RNLS: variants seen among roughly 807,000 people sequenced by gnomAD.
The protein encoded by RNLS is renalase.
RNLS carries 39 observed loss-of-function variants against 39.8 expected under a neutral mutation model. The ratio of observed to expected loss-of-function variants is 0.98; its 90% CI spans 0.76 to 1.28. The LOEUF (loss-of-function observed/expected upper bound fraction) is 1.28, where lower values mean the gene tolerates loss of function less well. Among genes scored for constraint, RNLS ranks in the 50% most tolerant of loss-of-function variants. The pLI, the probability that RNLS is intolerant of heterozygous loss-of-function variation, is 0.00. For missense variants in RNLS, 410 were observed against 413.3 expected (o/e 0.99, Z 0.07); for synonymous variants, 147 against 150.7 (o/e 0.98, Z 0.18).
intron 4 of RNLS, among the ~76,000 whole-genome samples, chr10:88,548,705 T>A (rs1381213227): frequency 4.7e-5 from 7 of 148,070 alleles, no homozygotes; most frequent in Non-Finnish European, 1.0e-4. Flanking sequence ...ATATATTATA[T>A]TTAATACATA....
At chr10:88,355,026 T>C (rs536619757) in intron 5 of RNLS, among the ~76,000 whole-genome samples, 1 of 152,374 alleles carries the variant, frequency 6.6e-6, no homozygotes, top group African/African-American at 2.4e-5. Context: ...AGCTTGTGCA[T>C]TCGTCACGTA....
chr10:88,381,705 T>TATCA lies in RNLS; in HGVS notation c.527-18984_527-18981dup, dbSNP rs1564751051. On this transcript the variant is annotated intron_variant, in intron 4 of 6. Coordinates refer to ENST00000331772, the MANE Select transcript of RNLS (RefSeq NM_001031709.3). ...AGACAGTTTTAAAGTACAAATTATATATCACTTAAAAGTTTCTAAATTTTA... is the reference window on the plus strand; with the variant it reads ...AGACAGTTTTAAAGTACAAATTATATATCAATCACTTAAAAGTTTCTAAATTTTA... Among the ~76,000 whole-genome samples, 3 of 152,090 alleles carry TATCA rather than the reference T, an allele frequency of 2.0e-5. No homozygotes were observed. In the East Asian group the frequency reaches 5.8e-4, roughly 29 times the overall value.
chr10:88,306,091 T>C (rs1282620045), intron 6 of RNLS, among the ~76,000 whole-genome samples: 1 of 151,952 alleles, frequency 6.6e-6, no homozygotes, highest in African/African-American at 2.4e-5. Context: ...GGGTAAATAA[T>C]GAAATAAAGA....
chr10:88,377,576 T>C (rs942253787), intron 4 of RNLS, among the ~76,000 whole-genome samples: 2 of 152,040 alleles, frequency 1.3e-5, no homozygotes, highest in African/African-American at 4.8e-5. Flanking sequence ...TAACACATGT[T>C]ACGTATTTGT....
At chr10:88,283,223 A>T (rs1320014039), downstream of RNLS, among the ~76,000 whole-genome samples, 3 of 152,200 alleles carry the variant, frequency 2.0e-5, no homozygotes, top group Non-Finnish European at 4.4e-5. Context: ...GAAAATCTAA[A>T]TGTAAAATAA....
intron 5 of RNLS, among the ~76,000 whole-genome samples, chr10:88,318,201 T>C (rs1845906925): frequency 6.6e-6 from 1 of 152,140 alleles, no homozygotes; most frequent in Admixed American, 6.5e-5. Flanking sequence ...CACAACCCAT[T>C]CTGTCTCTGG....
chr10:88,248,218 C>T, the RNLS span, among the ~76,000 whole-genome samples: 9 of 152,296 alleles, frequency 5.9e-5, no homozygotes, highest in Admixed American at 2.0e-4. Flanking sequence ...ATCACACTTA[C>T]GTATCTAGAG....
intron 4 of RNLS, among the ~76,000 whole-genome samples, chr10:88,455,453 CT>C (rs757502819): frequency 1.6e-4 from 24 of 152,276 alleles, no homozygotes; most frequent in Non-Finnish European, 2.5e-4. Context: ...GTTGCCCAGG[CT>C]GGAGTGCAGT....
At chr10:88,427,306 T>G (rs998632961) in intron 4 of RNLS, among the ~76,000 whole-genome samples, 2 of 151,988 alleles carry the variant, frequency 1.3e-5, no homozygotes, top group African/African-American at 4.8e-5. Flanking sequence ...GGTATGGCAT[T>G]GAGGGGTAAG....
intron 4 of RNLS, among the ~76,000 whole-genome samples, chr10:88,455,131 G>T (rs1842558053): frequency 6.6e-6 from 1 of 152,164 alleles, no homozygotes; most frequent in Admixed American, 6.5e-5. Context: ...AGAGTAGTAT[G>T]TACTAAGTAC....
chr10:88,581,085 G>A (rs900258904), intron 3 of RNLS, among the ~76,000 whole-genome samples: 2 of 151,822 alleles, frequency 1.3e-5, no homozygotes, highest in Admixed American at 6.6e-5. Context: ...ATATTTACCA[G>A]AAAGCTAATA....
intron 4 of RNLS, among the ~76,000 whole-genome samples, chr10:88,454,365 C>A (rs17112295): frequency 0.03 from 4,560 of 152,216 alleles, 88 homozygotes; most frequent in Middle Eastern, 0.065. Flanking sequence ...GTAGATCCAC[C>A]TTTTCCCTTA....
At chr10:88,260,613 G>C in the RNLS span, among the ~76,000 whole-genome samples, 1 of 152,192 alleles carries the variant, frequency 6.6e-6, no homozygotes, top group Non-Finnish European at 1.5e-5. Flanking sequence ...TCTGTATTAA[G>C]CCTTCATGGT....
Position 88,284,212 on chromosome 10 carries a change from G to T in RNLS, c.*1142C>A. 1 of 985,242 alleles carries T rather than the reference G, an allele frequency of 1.0e-6. No homozygotes were observed. Among genetic ancestry groups the T allele is most frequent in the Non-Finnish European group, 1.2e-6 (1 of 829,788 alleles). 61.0% of individuals were successfully genotyped at this position (985,242 alleles called of 1,614,324 possible). A position where few individuals can be genotyped will look rare whatever the true frequency, so the allele number is the denominator to read the frequency against. On this transcript the variant is annotated 3_prime_UTR_variant, in exon 7 of 7. Coordinates refer to ENST00000331772, the MANE Select transcript of RNLS (RefSeq NM_001031709.3). ...ATAGAAGCAAGTTCTGCCTGTGCCT[G>T]TGTATGTGTATGTATGACAGTGGAC...
intron 2 of RNLS, among the ~76,000 whole-genome samples, 165 bp downstream of exon 2, chr10:88,582,037 T>G (rs1197140167): frequency 1.3e-5 from 2 of 152,254 alleles, no homozygotes; most frequent in Non-Finnish European, 2.9e-5. Flanking sequence ...GTTCAGAAGA[T>G]TGACTCCCAT....
At chr10:88,538,252 T>C (rs1440907304) in intron 4 of RNLS, among the ~76,000 whole-genome samples, 1 of 152,148 alleles carries the variant, frequency 6.6e-6, no homozygotes, top group African/African-American at 2.4e-5. Context: ...TAAGGGAAGA[T>C]TGACTCTTAG....
At chr10:88,500,189 A>T (rs1042778401) in intron 4 of RNLS, among the ~76,000 whole-genome samples, 5 of 152,158 alleles carry the variant, frequency 3.3e-5, no homozygotes, top group Non-Finnish European at 7.3e-5. Context: ...TTCTCAAATA[A>T]TTTAGTTATA....
chr10:88,504,725 C>A (rs1050894853), intron 4 of RNLS, among the ~76,000 whole-genome samples: 1 of 151,890 alleles, frequency 6.6e-6, no homozygotes, highest in African/African-American at 2.4e-5. Flanking sequence ...ATTCGAAGAA[C>A]AATAATTGTA....
At chr10:88,531,549 C>T (rs775586467) in intron 4 of RNLS, among the ~76,000 whole-genome samples, 1 of 152,002 alleles carries the variant, frequency 6.6e-6, no homozygotes, top group Non-Finnish European at 1.5e-5. Flanking sequence ...TGCAGGCACT[C>T]CCCACTCAAA....
Sources: gnomAD v4.1 joint callset for allele counts (sites outside exome capture counted in the v4.1 genomes callset) on GRCh38, gnomAD v4.1.1 for gene constraint, MANE v1.5 for transcripts, NCBI Gene and HGNC (gene_info 2026-07-23, HGNC 2026-07-21) for gene names.